Variants in HELZ observed in about 807,000 individuals in gnomAD.
HELZ encodes ATP-dependent RNA helicase with zinc finger domain.
In HELZ, 23 loss-of-function variants were observed where a neutral mutation model predicts 218.2. That is an observed-to-expected ratio of 0.11 (90% CI 0.08 to 0.15). HELZ has a LOEUF of 0.15. Among genes scored for constraint, HELZ ranks in the 10% least tolerant of loss-of-function variants. The pLI, the probability that HELZ is intolerant of heterozygous loss-of-function variation, is 1.00. For missense variants in HELZ, 1,813 were observed against 2,353.7 expected, an observed-to-expected ratio of 0.77 and a Z score of 4.75; for synonymous variants, 814 against 829.4, an observed-to-expected ratio of 0.98 and a Z score of 0.32.
intron 3 of HELZ, among the ~76,000 whole-genome samples, chr17:67,237,446 A>G (rs554916397): frequency 6.6e-6 from 1 of 152,220 alleles, no homozygotes; most frequent in Non-Finnish European, 1.5e-5. Context: ...GGGATTCTCA[A>G]GGCTAACTTG....
chr17:67,133,150 T>C (rs2038038513), intron 23 of HELZ, among the ~76,000 whole-genome samples: 2 of 152,196 alleles, frequency 1.3e-5, no homozygotes, highest in South Asian at 4.1e-4. Flanking sequence ...AATGTATGTT[T>C]TTTTTTCACT....
Position 67,128,698 on chromosome 17 carries a change from G to A in HELZ, c.3340C>T (p.Leu1114=). 5.0e-6 allele frequency: 8 copies of A among 1,614,164 alleles called. No homozygotes were observed. The highest frequency in any genetic ancestry group is 5.9e-6 in the Non-Finnish European group (7 of 1,180,008). Residue 1114 remains leucine, a synonymous_variant, in exon 24 of 33, where the codon CTG becomes TTG. Transcript: ENST00000358691. The part of the protein sequence containing the change: ...APEFIPRALR[L]QHSGSTNKQQ... The stretch of plus-strand genomic sequence containing the variant: ...TTGTTGGTACTTCCTGAATGCTGCA[G>A]TCTTAGAGCCCGGGGGATAAATTCA...
Position 67,120,481 on chromosome 17 carries a change from T to C in HELZ, c.3762A>G (p.Gly1254=). Residue 1254 remains glycine, a synonymous_variant, in exon 27 of 33, where the codon GGA becomes GGG. Transcript: ENST00000358691. ...GGCCTATGGTGACAGGTGGGTGATG[T>C]CCAAGGCCATAAGGAATAGGAGATC... ...GRGSPIPYGL[G]HHPPVTIGQP... 1.2e-6 allele frequency: 2 copies of C among 1,614,036 alleles called. No homozygotes were observed. Among genetic ancestry groups the C allele is most frequent in the East Asian group, 2.2e-5 (1 of 44,864 alleles).
At chr17:67,106,529 G>C (rs563802281) in intron 31 of HELZ, among the ~76,000 whole-genome samples, 3 of 151,984 alleles carry the variant, frequency 2.0e-5, no homozygotes, top group Non-Finnish European at 2.9e-5. Context: ...GGATGGTCTC[G>C]ATCTCCTGAC....
intron 31 of HELZ, among the ~76,000 whole-genome samples, chr17:67,102,943 C>T (rs956323529): frequency 6.6e-6 from 1 of 152,114 alleles, no homozygotes; most frequent in East Asian, 1.9e-4. Flanking sequence ...GTACAAAAAG[C>T]TTAAATTCCA....
chr17:67,137,803 C>T (rs963252737), intron 22 of HELZ, 128 bp downstream of exon 22: 36 of 651,652 alleles, frequency 5.5e-5, no homozygotes, highest in Non-Finnish European at 8.4e-5. Flanking sequence ...CCAAACCTGG[C>T]ATTAAAGAAC....
At chr17:67,235,847 A>G (rs530993614) in intron 3 of HELZ, among the ~76,000 whole-genome samples, 17 of 131,012 alleles carry the variant, frequency 1.3e-4, no homozygotes, top group Middle Eastern at 5.6e-3. Flanking sequence ...TGCAAGCTCC[A>G]CCTCCCGGGT....
chr17:67,109,712 T>C (rs1294996529), intron 28 of HELZ, 26 bp from the exon 29 acceptor site: 1 of 1,550,604 alleles, frequency 6.4e-7, no homozygotes, highest in Non-Finnish European at 8.8e-7. Flanking sequence ...AAGCCTTTTT[T>C]AACTGCAGAA....
At chr17:67,134,040 A>T (rs1007382222) in intron 23 of HELZ, among the ~76,000 whole-genome samples, 2 of 151,548 alleles carry the variant, frequency 1.3e-5, no homozygotes, top group African/African-American at 2.4e-5. Context: ...AAGCAAAATT[A>T]GTAGACTTCT....
At chr17:67,200,985 G>T in intron 7 of HELZ, 144 bp downstream of exon 7, 3 of 710,914 alleles carry the variant, frequency 4.2e-6, no homozygotes, top group Non-Finnish European at 7.8e-6. Context: ...GGGGTTACGA[G>T]GGAAGGCTGG....
At chr17:67,089,662 T>TAGAGAGAGAG (rs1296400940) in intron 31 of HELZ, among the ~76,000 whole-genome samples, 12 of 44,060 alleles carry the variant, frequency 2.7e-4, no homozygotes, top group African/African-American at 1.9e-4. Context: ...TATATATATA[T>TAGAGAGAGAG]ATATATAGAG....
chr17:67,240,429 A>G (rs1264292046), intron 2 of HELZ, among the ~76,000 whole-genome samples: 2 of 152,240 alleles, frequency 1.3e-5, no homozygotes, highest in Non-Finnish European at 2.9e-5. Context: ...TTACATAAGT[A>G]CTGCTCAAAT....
chr17:67,233,423 C>G (rs981524079), intron 3 of HELZ, among the ~76,000 whole-genome samples: 2 of 152,112 alleles, frequency 1.3e-5, no homozygotes, highest in African/African-American at 4.8e-5. Flanking sequence ...ATGGCACTTC[C>G]TACTCTCTAT....
At chr17:67,163,085 T>C (rs1378374762) in intron 15 of HELZ, among the ~76,000 whole-genome samples, 2 of 152,310 alleles carry the variant, frequency 1.3e-5, no homozygotes, top group Admixed American at 6.5e-5. Flanking sequence ...GATAATGACA[T>C]TTGCATCAGA....
At chr17:67,211,240 A>T (rs1385940974) in intron 5 of HELZ, among the ~76,000 whole-genome samples, 3 of 149,990 alleles carry the variant, frequency 2.0e-5, no homozygotes, top group South Asian at 4.2e-4. Flanking sequence ...TCAGCTATTT[A>T]AAAAAAAAAC....
In HELZ at chr17:67,123,102, G is replaced by A; in HGVS notation, c.3498C>T (p.Pro1166=). 6.2e-7 allele frequency: 1 copy of A among 1,613,436 alleles called. No homozygotes were observed. Among genetic ancestry groups the A allele is most frequent in the Non-Finnish European group, 8.5e-7 (1 of 1,179,424 alleles). ...GNPIRAYTPP[P]PLGPHPNLGK... Reference sequence around the variant, plus strand: ...CCAAATTTGGGTGAGGTCCAAGAGGGGGTGGAGGAGTATATGCTCTAATAG... The same window carrying A: ...CCAAATTTGGGTGAGGTCCAAGAGGAGGTGGAGGAGTATATGCTCTAATAG... The change falls in exon 26 of 33, where the codon CCC becomes CCT. Residue 1166 remains proline (P), a synonymous_variant. Transcript: ENST00000358691.
chr17:67,122,864 A>AT (rs1039985556), intron 26 of HELZ, 106 bp downstream of exon 26: 23 of 777,836 alleles, frequency 3.0e-5, no homozygotes, highest in Non-Finnish European at 3.9e-5. Context: ...AGCACTGAAA[A>AT]TTTTTTTTAA....
intron 1 of HELZ, chr17:67,244,640 G>A (rs1182278754): frequency 3.2e-5 from 31 of 959,278 alleles, no homozygotes; most frequent in Non-Finnish European, 3.7e-5. Flanking sequence ...GGGGAGGGAG[G>A]GGGCGCACGC....
intron 21 of HELZ, among the ~76,000 whole-genome samples, chr17:67,143,599 ACT>A (rs2038402256): frequency 6.6e-6 from 1 of 150,940 alleles, no homozygotes; most frequent in African/African-American, 2.4e-5. Flanking sequence ...ACAAAGAGAG[ACT>A]CTGTCTCAAA....
Sources: allele counts gnomAD v4.1 joint callset (sites outside exome capture counted in the v4.1 genomes callset), GRCh38; gene constraint gnomAD v4.1.1; transcripts MANE v1.5; gene names NCBI Gene and HGNC (gene_info 2026-07-23, HGNC 2026-07-21).